The following CCDC102B variants were observed in gnomAD, a reference collection of about 807,000 sequenced individuals.
CCDC102B encodes coiled-coil domain containing 102B, also known as coiled-coil domain-containing protein 102B.
In CCDC102B, 75 loss-of-function variants were observed where a neutral mutation model predicts 57.4. That is an observed-to-expected ratio of 1.31 (90% CI 1.08 to 1.58). CCDC102B has a LOEUF of 1.58. CCDC102B is among the 40% of genes most tolerant of loss of function. The probability of loss-of-function intolerance (pLI) is 0.00; values close to 1 mark genes in which losing one functional copy is unlikely to be tolerated. For synonymous variants in CCDC102B, 206 were observed against 201.9 expected (o/e 1.02, Z -0.17); for missense variants, 636 against 582.6 (o/e 1.09, Z -0.94).
chr18:68,860,344 C>A (rs2038680183), intron 4 of CCDC102B, among the ~76,000 whole-genome samples: 1 of 34,800 alleles, frequency 2.9e-5, no homozygotes, highest in African/African-American at 7.6e-5. Flanking sequence ...GGAGATATAC[C>A]TAATGCTAGG....
At chr18:68,761,685 T>G (rs983947276) in intron 2 of CCDC102B, among the ~76,000 whole-genome samples, 5 of 152,102 alleles carry the variant, frequency 3.3e-5, no homozygotes, top group African/African-American at 1.2e-4. Flanking sequence ...ACTAGATTCC[T>G]TTAAACAATA....
intron 6 of CCDC102B, among the ~76,000 whole-genome samples, chr18:68,919,186 A>G (rs1361682841): frequency 1.3e-5 from 2 of 152,032 alleles, no homozygotes; most frequent in Non-Finnish European, 2.9e-5. Context: ...AATTTTCCCA[A>G]CTACTAGTTA....
chr18:68,898,266 A>T (rs536699688), intron 6 of CCDC102B, among the ~76,000 whole-genome samples: 2 of 152,232 alleles, frequency 1.3e-5, no homozygotes, highest in South Asian at 4.1e-4. Context: ...TAGTTTTGAG[A>T]TATTTAAGTC....
chr18:68,986,135 G>T (rs1480348743), intron 6 of CCDC102B, among the ~76,000 whole-genome samples: 1 of 152,058 alleles, frequency 6.6e-6, no homozygotes, highest in African/African-American at 2.4e-5. Flanking sequence ...CAAGAAGGAT[G>T]GGCTCCTTTC....
intron 5 of CCDC102B, among the ~76,000 whole-genome samples, chr18:68,876,137 G>A (rs1257120555): frequency 6.6e-6 from 1 of 152,128 alleles, no homozygotes; most frequent in Non-Finnish European, 1.5e-5. Context: ...ACAACATGTT[G>A]TATAAAAGTT....
intron 2 of CCDC102B, among the ~76,000 whole-genome samples, chr18:68,751,476 A>G (rs111775659): frequency 1.3e-5 from 2 of 152,282 alleles, no homozygotes; most frequent in African/African-American, 4.8e-5. Flanking sequence ...TCACCAAGAA[A>G]AAGCACAAAA....
At position 68,903,067 on chromosome 18, in the gene CCDC102B, A is replaced by G. The variant is rs555860313; in HGVS notation, c.1263+5639A>G. Among the ~76,000 whole-genome samples, 146 of 152,314 alleles carry G rather than the reference A, an allele frequency of 9.6e-4. 1 individual carries two copies. Among genetic ancestry groups the G allele is most frequent in the African/African-American group, 3.4e-3 (143 of 41,574 alleles). ...TCGTCGTACTAAAAAATAAAGGTAA[A>G]TGAGTTTTCATAGATGCGTGAAGAG... is the stretch of plus-strand genomic sequence containing the variant. On this transcript the variant is annotated intron_variant, in intron 6 of 7. Coordinates refer to ENST00000360242, the MANE Select transcript of CCDC102B (RefSeq NM_024781.3).
chr18:68,887,061 A>C (rs968204794), intron 5 of CCDC102B, among the ~76,000 whole-genome samples: 7 of 152,094 alleles, frequency 4.6e-5, no homozygotes, highest in African/African-American at 1.7e-4. Flanking sequence ...TTTATAGTTA[A>C]ACATCTTGGC....
intron 2 of CCDC102B, among the ~76,000 whole-genome samples, chr18:68,737,239 G>A (rs553370725): frequency 2.0e-5 from 3 of 152,210 alleles, no homozygotes; most frequent in South Asian, 4.1e-4. Context: ...AGTCCCTGGG[G>A]ACGCTCATGT....
intron 6 of CCDC102B, among the ~76,000 whole-genome samples, chr18:68,898,880 TTAATA>T (rs1161597247): frequency 2.0e-5 from 3 of 152,112 alleles, no homozygotes; most frequent in Non-Finnish European, 4.4e-5. Context: ...TCAAAATGTA[TTAATA>T]TAAAGTATAT....
intron 6 of CCDC102B, among the ~76,000 whole-genome samples, chr18:68,997,685 C>T (rs1350426269): frequency 6.6e-6 from 1 of 151,834 alleles, no homozygotes; most frequent in Non-Finnish European, 1.5e-5. Context: ...ATTTATTCCT[C>T]AATAATATCT....
chr18:68,911,724 C>G (rs1395553168), intron 6 of CCDC102B, among the ~76,000 whole-genome samples: 2 of 111,112 alleles, frequency 1.8e-5, no homozygotes, highest in African/African-American at 4.1e-5. Flanking sequence ...TGCACTCCAG[C>G]CTGGGCGACA....
chr18:68,943,952 G>A (rs1041557350), intron 6 of CCDC102B, among the ~76,000 whole-genome samples: 2 of 152,138 alleles, frequency 1.3e-5, no homozygotes, highest in Admixed American at 6.6e-5. Context: ...AGGGAACCAG[G>A]TATGGGGCTC....
chr18:68,936,808 T>C (rs1227713764), intron 6 of CCDC102B, among the ~76,000 whole-genome samples: 12 of 150,502 alleles, frequency 8.0e-5, no homozygotes, highest in Non-Finnish European at 1.5e-5. Flanking sequence ...TATATACATA[T>C]ATACACACAT....
At chr18:68,917,225 T>C (rs765111148) in intron 6 of CCDC102B, among the ~76,000 whole-genome samples, 4 of 151,866 alleles carry the variant, frequency 2.6e-5, no homozygotes, top group Non-Finnish European at 4.4e-5. Context: ...AGGGAGAGCA[T>C]TGGTTTGGAG....
At chr18:68,797,427 C>G (rs1035164818), upstream of CCDC102B, among the ~76,000 whole-genome samples, 5 of 152,048 alleles carry the variant, frequency 3.3e-5, no homozygotes, top group African/African-American at 4.8e-5. Flanking sequence ...TCGCCTCCCC[C>G]CTCAACCCCC....
chr18:68,813,792 A>C (rs560846592), intron 1 of CCDC102B, among the ~76,000 whole-genome samples: 23 of 149,960 alleles, frequency 1.5e-4, no homozygotes, highest in Non-Finnish European at 2.4e-4. Context: ...ATATATATAT[A>C]TCTTTAGTTT....
chr18:68,861,259 T>G (rs1763341522), intron 4 of CCDC102B, among the ~76,000 whole-genome samples: 1 of 151,332 alleles, frequency 6.6e-6, no homozygotes, highest in Non-Finnish European at 1.5e-5. Flanking sequence ...ACCGTGCTTA[T>G]TTTATCACTT....
rs530750084 is a variant in CCDC102B at position 68,942,701 on chromosome 18, G to T, written c.1263+45273G>T. On this transcript the variant is annotated intron_variant, in intron 6 of 7. Coordinates refer to ENST00000360242, the MANE Select transcript of CCDC102B (RefSeq NM_024781.3). The stretch of plus-strand genomic sequence containing the variant: ...CTCAGTAGATGGAATATACAATCGG[G>T]TTTTACATGGAGACATTCCATTGCC... 6.6e-5 allele frequency among the ~76,000 whole-genome samples: 10 copies of T among 152,100 alleles called. No homozygotes were observed. In the South Asian group the frequency reaches 1.2e-3, roughly 19 times the overall value.
Sources: gnomAD v4.1 joint callset for allele counts (sites outside exome capture counted in the v4.1 genomes callset) on GRCh38, gnomAD v4.1.1 for gene constraint, MANE v1.5 for transcripts, NCBI Gene and HGNC (gene_info 2026-07-23, HGNC 2026-07-21) for gene names.